The following TRIM14 variants were observed in gnomAD, a reference collection of about 807,000 sequenced individuals.
TRIM14 encodes tripartite motif-containing protein 14.
A neutral mutation model predicts 44.5 loss-of-function variants in TRIM14; 28 were observed. The observed-to-expected ratio is 0.63, with a 90% CI of 0.47 to 0.86. The LOEUF (loss-of-function observed/expected upper bound fraction) is 0.86, where lower values mean the gene tolerates loss of function less well. Among genes scored for constraint, TRIM14 ranks in the 40% least tolerant of loss-of-function variants. The pLI is 0.00. For missense variants in TRIM14, 607 were observed against 611.1 expected, an observed-to-expected ratio of 0.99 and a Z score of 0.07; for synonymous variants, 299 against 269.2, an observed-to-expected ratio of 1.11 and a Z score of -1.08.
intron 2 of TRIM14, 142 bp downstream of exon 2, chr9:98,109,747 C>G: frequency 1.4e-6 from 1 of 696,204 alleles, no homozygotes; most frequent in Non-Finnish European, 2.5e-6. Flanking sequence ...TCTAAAGAAC[C>G]CTGAATTATA....
At chr9:98,077,545 A>G (rs990073975) in intron 6 of TRIM14, among the ~76,000 whole-genome samples, 1 of 152,090 alleles carries the variant, frequency 6.6e-6, no homozygotes, top group Non-Finnish European at 1.5e-5. Flanking sequence ...TAAGAAATTA[A>G]GGATATGACA....
At position 98,100,159 on chromosome 9, in the gene TRIM14, A is replaced by G. The variant is rs1241205248; in HGVS notation, c.309T>C (p.Asn103=). Reference sequence around the variant, plus strand: ...TCAGCCAGGTTTTACTTGACTCTGCATTAGCCTAAAAACAGAAAAACCAGT... The same window carrying G: ...TCAGCCAGGTTTTACTTGACTCTGCGTTAGCCTAAAAACAGAAAAACCAGT... ...IEDATEKLKA[N]AESSKTWLKG... is the part of the protein sequence containing the mutation. The change falls in exon 3 of 6, where the codon AAT becomes AAC. Residue 103 remains asparagine (N), a synonymous_variant. Coordinates refer to ENST00000341469, the MANE Select transcript of TRIM14 (RefSeq NM_014788.4). 1 of 1,613,936 alleles carries G rather than the reference A, an allele frequency of 6.2e-7. No individual in the cohort carries two copies. Among genetic ancestry groups the G allele is most frequent in the East Asian group, 2.2e-5 (1 of 44,890 alleles).
At chr9:98,077,001 A>C in intron 6 of TRIM14, 2 of 1,608,326 alleles carry the variant, frequency 1.2e-6, no homozygotes. Context: ...CTTATCTGGA[A>C]AAGACAGCCA....
At chr9:98,041,038 C>T in the TRIM14 span, among the ~76,000 whole-genome samples, 1 of 152,112 alleles carries the variant, frequency 6.6e-6, no homozygotes, top group South Asian at 2.1e-4. Flanking sequence ...ATCCACCCAC[C>T]TTGGTCTCCC....
intron 5 of TRIM14, among the ~76,000 whole-genome samples, chr9:98,090,168 G>A (rs1825943869): frequency 6.6e-6 from 1 of 152,172 alleles, no homozygotes; most frequent in Non-Finnish European, 1.5e-5. Flanking sequence ...AAAGATCGGG[G>A]AAATGAAAGA....
chr9:98,077,651 A>G (rs182949480), intron 6 of TRIM14, among the ~76,000 whole-genome samples: 5 of 152,310 alleles, frequency 3.3e-5, no homozygotes, highest in African/African-American at 1.2e-4. Context: ...TTGAGACCGC[A>G]GTGGGACATG....
At chr9:98,064,617 A>G (rs1829081923), downstream of TRIM14, among the ~76,000 whole-genome samples, 1 of 152,190 alleles carries the variant, frequency 6.6e-6, no homozygotes, top group Non-Finnish European at 1.5e-5. Flanking sequence ...ACAGTAATAT[A>G]TTTTATCCCT....
the TRIM14 span, among the ~76,000 whole-genome samples, chr9:98,053,628 A>G: frequency 7.4e-6 from 1 of 134,796 alleles, no homozygotes; most frequent in South Asian, 2.7e-4. Context: ...GGAGACAGTG[A>G]TGTTTAACAT....
intron 6 of TRIM14, among the ~76,000 whole-genome samples, chr9:98,071,200 T>C (rs1829325709): frequency 1.3e-5 from 2 of 152,358 alleles, no homozygotes; most frequent in East Asian, 3.9e-4. Context: ...GTGTGGTGTG[T>C]ACCTGGCTAT....
At chr9:98,066,654 T>TG (rs1829156721), downstream of TRIM14, among the ~76,000 whole-genome samples, 1 of 83,670 alleles carries the variant, frequency 1.2e-5, no homozygotes, top group African/African-American at 4.8e-5. Context: ...CACTTACCGA[T>TG]TTTTTTTTTT....
intron 1 of TRIM14, among the ~76,000 whole-genome samples, chr9:98,112,890 G>A (rs1269961301): frequency 6.7e-6 from 1 of 150,238 alleles, no homozygotes; most frequent in Non-Finnish European, 1.5e-5. Context: ...GAGACAGGTG[G>A]ATCACCTGAG....
the TRIM14 span, among the ~76,000 whole-genome samples, chr9:98,056,123 C>G: frequency 6.6e-6 from 1 of 152,160 alleles, no homozygotes; most frequent in African/African-American, 2.4e-5. Flanking sequence ...TGGCTTTGGA[C>G]AAGCCAGTGC....
rs749432503 is a variant in TRIM14 at position 98,095,636 on chromosome 9, C to G, written c.538-607G>C. Among the ~76,000 whole-genome samples the G allele has an allele frequency of 6.6e-6, 1 of 152,194 alleles. No homozygotes were observed. Among genetic ancestry groups the G allele is most frequent in the Non-Finnish European group, 1.5e-5 (1 of 68,026 alleles). On this transcript the variant is annotated intron_variant, in intron 3 of 5. Coordinates refer to ENST00000341469, the MANE Select transcript of TRIM14 (RefSeq NM_014788.4). This position sits in a 1 kb window ranked among gnomAD's most constrained non-coding sequence, Gnocchi z 4.1. Reference sequence around the variant, plus strand: ...TACTTTCCTGTGGTATGTGGCTTCACTAAGGAGAAGCTAGAAAACCCCCTC... The same window carrying G: ...TACTTTCCTGTGGTATGTGGCTTCAGTAAGGAGAAGCTAGAAAACCCCCTC...
At chr9:98,040,133 T>G in the TRIM14 span, among the ~76,000 whole-genome samples, 1 of 152,074 alleles carries the variant, frequency 6.6e-6, no homozygotes, top group African/African-American at 2.4e-5. Flanking sequence ...CATGAGCCAC[T>G]GTACCCGGCA....
chr9:98,104,346 T>G (rs973628055), intron 2 of TRIM14, among the ~76,000 whole-genome samples: 1 of 152,158 alleles, frequency 6.6e-6, no homozygotes, highest in Non-Finnish European at 1.5e-5. Flanking sequence ...CCAACCAAGT[T>G]ATGCTCCAAG....
the TRIM14 span, among the ~76,000 whole-genome samples, chr9:98,063,206 G>A: frequency 1.3e-5 from 2 of 151,362 alleles, no homozygotes; most frequent in African/African-American, 2.4e-5. Flanking sequence ...GGGGATTACG[G>A]GTGTGAGCCA....
the TRIM14 span, among the ~76,000 whole-genome samples, chr9:98,052,488 T>TAAA: frequency 1.3e-5 from 2 of 150,060 alleles, no homozygotes; most frequent in Admixed American, 6.6e-5. Context: ...TCTTTTTTCT[T>TAAA]AAAAAAAAAA....
intron 3 of TRIM14, among the ~76,000 whole-genome samples, chr9:98,098,208 C>T (rs553521457): frequency 6.6e-6 from 1 of 152,136 alleles, no homozygotes; most frequent in Non-Finnish European, 1.5e-5. Context: ...TTCTTTATAG[C>T]GAGAAAAATG....
chr9:98,083,132 A>G, downstream of TRIM14: 2 of 1,407,606 alleles, frequency 1.4e-6, no homozygotes, highest in Non-Finnish European at 9.8e-7. Context: ...CGAGGGCAGG[A>G]ATGGCGGTCT....
Sources: gnomAD v4.1 joint callset for allele counts (sites outside exome capture counted in the v4.1 genomes callset) on GRCh38, gnomAD v4.1.1 for gene constraint, Gnocchi (gnomAD v3.1) non-coding constraint, MANE v1.5 for transcripts, NCBI Gene and HGNC (gene_info 2026-07-23, HGNC 2026-07-21) for gene names.